Variants in SPON1 observed in about 807,000 individuals in gnomAD.
SPON1 encodes spondin-1.
Under a neutral mutation model 111.7 loss-of-function variants are expected in SPON1, and 52 were observed. The ratio of observed to expected loss-of-function variants is 0.47; its 90% CI spans 0.37 to 0.59. SPON1 has a LOEUF of 0.59. Among genes scored for constraint, SPON1 ranks in the 20% least tolerant of loss-of-function variants. SPON1 has a pLI of 0.00. For missense variants in SPON1, 957 were observed against 1,068.5 expected (o/e 0.90, Z 1.46); for synonymous variants, 410 against 395.8 (o/e 1.04, Z -0.43).
At chr11:14,116,171 A>G (rs1849265430) in intron 5 of SPON1, among the ~76,000 whole-genome samples, 1 of 152,154 alleles carries the variant, frequency 6.6e-6, no homozygotes, top group African/African-American at 2.4e-5. Flanking sequence ...TATTGCAGAC[A>G]TCTTCTCCCA....
At chr11:14,059,526 C>T (rs1564895804) in intron 3 of SPON1, among the ~76,000 whole-genome samples, 1 of 151,954 alleles carries the variant, frequency 6.6e-6, no homozygotes, top group Non-Finnish European at 1.5e-5. Context: ...ATGTGCCAGG[C>T]TAATGCTAGG....
rs577248644 is a variant in SPON1 at position 14,244,925 on chromosome 11, G to A, written c.890+1529G>A. Among the ~76,000 whole-genome samples the A allele has an allele frequency of 2.0e-4, 30 of 152,256 alleles. 1 individual carries two copies. In the South Asian group the frequency reaches 4.8e-3, roughly 24 times the overall value. On this transcript the variant is annotated intron_variant, in intron 7 of 15. Coordinates refer to ENST00000576479, the MANE Select transcript of SPON1 (RefSeq NM_006108.4). ...TGCTGCACCTCATACAGGCCACCCCGAATCCTGGGCAGTTCCTTGAACAAG... is the reference window on the plus strand; with the variant it reads ...TGCTGCACCTCATACAGGCCACCCCAAATCCTGGGCAGTTCCTTGAACAAG...
chr11:14,195,977 T>G (rs540162614), intron 6 of SPON1, among the ~76,000 whole-genome samples: 6 of 152,234 alleles, frequency 3.9e-5, no homozygotes, highest in Non-Finnish European at 7.3e-5. Context: ...AAACATTTTC[T>G]GTTTCTAATA....
At chr11:14,170,769 T>C (rs1307674332) in intron 6 of SPON1, among the ~76,000 whole-genome samples, 1 of 152,216 alleles carries the variant, frequency 6.6e-6, no homozygotes, top group Non-Finnish European at 1.5e-5. Flanking sequence ...CTTTTGTCTT[T>C]GGTTCTGTTT....
At chr11:14,238,497 A>T (rs182935094) in intron 6 of SPON1, among the ~76,000 whole-genome samples, 1 of 152,216 alleles carries the variant, frequency 6.6e-6, no homozygotes, top group Non-Finnish European at 1.5e-5. Flanking sequence ...AGTGCAGAGG[A>T]GGGTCAGCGT....
chr11:14,236,817 G>A (rs1848872649), intron 6 of SPON1, among the ~76,000 whole-genome samples: 1 of 145,448 alleles, frequency 6.9e-6, no homozygotes, highest in African/African-American at 2.6e-5. Context: ...TACTGCTGAG[G>A]GGTCACAAGA....
chr11:14,078,285 G>A (rs1054741620), intron 4 of SPON1, among the ~76,000 whole-genome samples: 14 of 152,082 alleles, frequency 9.2e-5, no homozygotes, highest in South Asian at 2.1e-4. Context: ...CAGAAATATC[G>A]TTAAGTTTAC....
At chr11:14,072,439 C>T (rs1848884173) in intron 3 of SPON1, among the ~76,000 whole-genome samples, 1 of 151,860 alleles carries the variant, frequency 6.6e-6, no homozygotes, top group East Asian at 1.9e-4. Flanking sequence ...GCCATTGTCC[C>T]CCTATTTACA....
chr11:14,132,286 A>C (rs1398551233), intron 5 of SPON1, among the ~76,000 whole-genome samples: 1 of 152,186 alleles, frequency 6.6e-6, no homozygotes, highest in Non-Finnish European at 1.5e-5. Context: ...TCAAAAAAAA[A>C]AAAATTGAAT....
chr11:13,968,399 A>C, intron 1 of SPON1, among the ~76,000 whole-genome samples: 1 of 152,220 alleles, frequency 6.6e-6, no homozygotes, highest in Middle Eastern at 3.2e-3. Flanking sequence ...GTGTGTAGCT[A>C]TGAAGTACTT....
chr11:14,112,641 T>C (rs1849234818), intron 5 of SPON1, among the ~76,000 whole-genome samples: 1 of 152,234 alleles, frequency 6.6e-6, no homozygotes, highest in African/African-American at 2.4e-5. Context: ...TCATGATCTA[T>C]TTCTTGCCTT....
At chr11:13,996,797 TTTTA>T (rs1300279079) in intron 2 of SPON1, among the ~76,000 whole-genome samples, 1 of 152,052 alleles carries the variant, frequency 6.6e-6, no homozygotes, top group Non-Finnish European at 1.5e-5. Flanking sequence ...TTATATCCTG[TTTTA>T]TTTTTATGGG....
rs571245580 is a variant in SPON1, at chr11:14,139,535, T to C, written c.825+3967T>C. ...GCTTCCTAAATGTTTCTTGAATATATAGTTTGTTCATTCAATAACTTTATA... is the reference window on the plus strand; with the variant it reads ...GCTTCCTAAATGTTTCTTGAATATACAGTTTGTTCATTCAATAACTTTATA... On this transcript the variant is annotated intron_variant, in intron 6 of 15. Coordinates refer to ENST00000576479, the MANE Select transcript of SPON1 (RefSeq NM_006108.4). Among the ~76,000 whole-genome samples, 38 of 152,314 alleles carry C rather than the reference T, an allele frequency of 2.5e-4. No homozygotes were observed. In the South Asian group the frequency reaches 6.6e-3, roughly 27 times the overall value.
At chr11:14,035,325 TTGAA>T (rs1364562039) in intron 2 of SPON1, among the ~76,000 whole-genome samples, 157 of 152,338 alleles carry the variant, frequency 1.0e-3, no homozygotes, top group African/African-American at 3.6e-3. Context: ...GGACAGGTTG[TTGAA>T]CCCATCTGCA....
At chr11:14,090,824 G>T (rs67322525) in intron 5 of SPON1, among the ~76,000 whole-genome samples, 2 of 45,580 alleles carry the variant, frequency 4.4e-5, no homozygotes, top group African/African-American at 2.0e-4. Flanking sequence ...CTCTTATCTG[G>T]CCCCCCCCCC....
intron 2 of SPON1, among the ~76,000 whole-genome samples, chr11:13,992,994 T>C (rs781990015): frequency 7.2e-5 from 11 of 152,190 alleles, no homozygotes; most frequent in Non-Finnish European, 1.6e-4. Flanking sequence ...GAGCTGTTCC[T>C]ATTCAGCCAT....
At chr11:13,998,643 G>A (rs1848292715) in intron 2 of SPON1, among the ~76,000 whole-genome samples, 1 of 152,190 alleles carries the variant, frequency 6.6e-6, no homozygotes, top group Non-Finnish European at 1.5e-5. Context: ...GGCCATGTCT[G>A]TCTCTGTATT....
At chr11:13,980,602 T>A (rs574499957) in intron 1 of SPON1, among the ~76,000 whole-genome samples, 153 of 151,974 alleles carry the variant, frequency 1.0e-3, no homozygotes, top group African/African-American at 3.5e-3. Flanking sequence ...TGCAGGTTTG[T>A]TACATGTGTA....
At chr11:14,224,896 C>A in intron 6 of SPON1, 1 of 276,198 alleles carries the variant, frequency 3.6e-6, no homozygotes, top group Non-Finnish European at 7.3e-6. Flanking sequence ...TTAGAAAGTT[C>A]TGTCTGATGG....
Sources: allele counts gnomAD v4.1 joint callset (sites outside exome capture counted in the v4.1 genomes callset), GRCh38; gene constraint gnomAD v4.1.1; transcripts MANE v1.5; gene names NCBI Gene and HGNC (gene_info 2026-07-23, HGNC 2026-07-21).